The following ARIH2 variants were observed in gnomAD, a reference collection of about 807,000 sequenced individuals.
ARIH2 encodes the protein ariadne RBR E3 ubiquitin protein ligase 2, also known as E3 ubiquitin-protein ligase ARIH2.
In ARIH2, 12 loss-of-function variants were observed where a neutral mutation model predicts 79.8. That is an observed-to-expected ratio of 0.15 (90% CI 0.10 to 0.24). ARIH2 has a LOEUF of 0.24. ARIH2 is among the 10% of genes least tolerant of loss of function. ARIH2 has a pLI of 1.00. For synonymous variants in ARIH2, 224 were observed against 213.9 expected (o/e 1.05, Z -0.41); for missense variants, 301 against 618.3 (o/e 0.49, Z 5.44).
intron 3 of ARIH2, among the ~76,000 whole-genome samples, chr3:48,934,143 T>C (rs543192640): frequency 2.6e-5 from 4 of 152,316 alleles, no homozygotes; most frequent in Admixed American, 6.5e-5. Flanking sequence ...GGCTTCTGAC[T>C]CTTAAGTGCC....
At chr3:48,937,971 T>G (rs970555387) in intron 3 of ARIH2, among the ~76,000 whole-genome samples, 2 of 137,960 alleles carry the variant, frequency 1.4e-5, no homozygotes, top group South Asian at 4.8e-4. Context: ...GGCGTGAACC[T>G]GGGAGGCGGA....
chr3:48,971,153 C>T (rs887868243), intron 8 of ARIH2, among the ~76,000 whole-genome samples: 5 of 152,202 alleles, frequency 3.3e-5, no homozygotes, highest in African/African-American at 1.2e-4. Context: ...ATGGGAATAA[C>T]TAAAGTTTAC....
chr3:48,927,996 T>A, intron 3 of ARIH2, 183 bp downstream of exon 3: 2 of 712,918 alleles, frequency 2.8e-6, no homozygotes, highest in Non-Finnish European at 4.4e-6. Flanking sequence ...TATGCATGTC[T>A]AAGGTCCTCA....
At chr3:48,964,868 A>T (rs756005086) in intron 4 of ARIH2, 51 bp from the exon 5 acceptor site, 10 of 1,456,766 alleles carry the variant, frequency 6.9e-6, no homozygotes, top group South Asian at 4.6e-5. Flanking sequence ...GTTCAGGGGT[A>T]AAAATGTCTT....
intron 3 of ARIH2, among the ~76,000 whole-genome samples, chr3:48,942,028 G>A (rs1341241956): frequency 1.3e-5 from 2 of 149,916 alleles, no homozygotes; most frequent in African/African-American, 2.5e-5. Context: ...TGGGATTACA[G>A]GCACACGCAA....
chr3:48,932,373 T>C (rs2086492805), intron 3 of ARIH2, among the ~76,000 whole-genome samples: 1 of 152,226 alleles, frequency 6.6e-6, no homozygotes, highest in Non-Finnish European at 1.5e-5. Context: ...GTAATTTTAG[T>C]GATCATGTAT....
At chr3:48,955,915 C>A (rs971727856) in intron 3 of ARIH2, among the ~76,000 whole-genome samples, 1 of 152,150 alleles carries the variant, frequency 6.6e-6, no homozygotes, top group Non-Finnish European at 1.5e-5. Flanking sequence ...GTATCATTTT[C>A]TCACTGTTTT....
intron 3 of ARIH2, chr3:48,934,834 T>C (rs2086894966): frequency 1.0e-6 from 1 of 985,328 alleles, no homozygotes; most frequent in Non-Finnish European, 1.2e-6. Flanking sequence ...ATGCTCATCA[T>C]CTTCCAGAAA....
chr3:48,930,344 G>A (rs894429811), intron 3 of ARIH2, among the ~76,000 whole-genome samples: 1 of 152,094 alleles, frequency 6.6e-6, no homozygotes, highest in Non-Finnish European at 1.5e-5. Context: ...TTAGCTGAGC[G>A]TGCTAGCATG....
chr3:48,970,474 A>G (rs1322227467), intron 7 of ARIH2, 121 bp from the exon 8 acceptor site: 12 of 680,042 alleles, frequency 1.8e-5, no homozygotes, highest in Admixed American at 2.4e-5. Context: ...CTGAATTTAT[A>G]TAGCCCCTTC....
chr3:48,975,055 A>T, intron 11 of ARIH2, 76 bp downstream of exon 11: 2 of 1,612,310 alleles, frequency 1.2e-6, no homozygotes, highest in Non-Finnish European at 1.7e-6. Flanking sequence ...TTAAGTGAGT[A>T]CTTCTGCCAT....
chr3:48,948,962 G>A (rs1396725229), intron 3 of ARIH2: 14 of 397,684 alleles, frequency 3.5e-5, no homozygotes, highest in East Asian at 2.2e-4. Context: ...GTAAGTTGAG[G>A]GACATTGGGT....
At chr3:48,948,786 A>G (rs566216551) in intron 3 of ARIH2, among the ~76,000 whole-genome samples, 1 of 152,202 alleles carries the variant, frequency 6.6e-6, no homozygotes, top group Non-Finnish European at 1.5e-5. Context: ...ATTTCATACA[A>G]TTTGAATTAT....
intron 1 of ARIH2, chr3:48,922,419 T>G (rs2084945179): frequency 6.6e-6 from 1 of 152,040 alleles, no homozygotes; most frequent in Admixed American, 6.6e-5. Context: ...TTCTCCTGCC[T>G]CAGCCTTCCG....
At chr3:48,937,910 A>G (rs1410465439) in intron 3 of ARIH2, among the ~76,000 whole-genome samples, 1 of 151,866 alleles carries the variant, frequency 6.6e-6, no homozygotes, top group African/African-American at 2.4e-5. Context: ...AGCCGGTCGT[A>G]GTGGCGGGCG....
intron 3 of ARIH2, among the ~76,000 whole-genome samples, chr3:48,950,765 G>A (rs561242414): frequency 6.6e-6 from 1 of 152,076 alleles, no homozygotes; most frequent in South Asian, 2.1e-4. Flanking sequence ...GATTATCAAT[G>A]CTTTTTTATG....
intron 8 of ARIH2, 40 bp downstream of exon 8, chr3:48,970,744 G>A: frequency 6.7e-7 from 1 of 1,493,068 alleles, no homozygotes; most frequent in Non-Finnish European, 9.3e-7. Flanking sequence ...CTGGGCTCAT[G>A]CCCCATCCTC....
chr3:48,932,590 A>G (rs1017156284), intron 3 of ARIH2, among the ~76,000 whole-genome samples: 2 of 152,164 alleles, frequency 1.3e-5, no homozygotes, highest in African/African-American at 4.8e-5. Flanking sequence ...CTCTTGAGAT[A>G]TTTGCTGACA....
At chr3:48,936,844 C>T (rs145258263) in intron 3 of ARIH2, among the ~76,000 whole-genome samples, 31 of 151,996 alleles carry the variant, frequency 2.0e-4, no homozygotes, top group African/African-American at 5.8e-4. Flanking sequence ...CTGGCTAACA[C>T]GTTGAAACCC....
Sources: gnomAD v4.1 joint callset for allele counts (sites outside exome capture counted in the v4.1 genomes callset) on GRCh38, gnomAD v4.1.1 for gene constraint, MANE v1.5 for transcripts, NCBI Gene and HGNC (gene_info 2026-07-23, HGNC 2026-07-21) for gene names.